ARHGEF3: variants seen among roughly 807,000 people sequenced by gnomAD.
ARHGEF3 encodes the protein Rho guanine nucleotide exchange factor 3.
Under a neutral mutation model 63.2 loss-of-function variants are expected in ARHGEF3, and 28 were observed. That is an observed-to-expected ratio of 0.44 (90% CI 0.33 to 0.61). The LOEUF is 0.61. Ranked by LOEUF, ARHGEF3 falls within the 20% of genes least tolerant of loss-of-function variation. ARHGEF3 has a pLI of 0.03. For missense variants in ARHGEF3, 533 were observed against 659.3 expected, an observed-to-expected ratio of 0.81 and a Z score of 2.10; for synonymous variants, 266 against 254.2, an observed-to-expected ratio of 1.05 and a Z score of -0.44.
At chr3:56,968,530 T>C (rs886628437) in intron 2 of ARHGEF3, among the ~76,000 whole-genome samples, 6 of 146,226 alleles carry the variant, frequency 4.1e-5, no homozygotes, top group African/African-American at 1.5e-4. Context: ...GGTCTCCCTA[T>C]GTTGCCCAGG....
chr3:56,973,021 GT>G (rs796976886), intron 2 of ARHGEF3, among the ~76,000 whole-genome samples: 6,129 of 140,690 alleles, frequency 0.044, 459 homozygotes, highest in African/African-American at 0.15. Flanking sequence ...CAGTTTTTTT[GT>G]TTTTTTTTTT....
At chr3:56,787,721 A>G (rs1302382742) in intron 1 of ARHGEF3, among the ~76,000 whole-genome samples, 1 of 151,560 alleles carries the variant, frequency 6.6e-6, no homozygotes, top group East Asian at 1.9e-4. Flanking sequence ...TTCCTCTGAT[A>G]ATAATAATAA....
chr3:56,745,311 A>G lies in ARHGEF3; in HGVS notation c.764T>C (p.Phe255Ser). Residue 255 changes from phenylalanine (F) to serine (S), a missense_variant, in exon 7 of 10, where the codon TTC becomes TCC. Phe to Ser is a radical substitution (Grantham distance 155, BLOSUM62 -2). Transcript: ENST00000296315. Reference sequence around the variant, plus strand: ...CAGGCGGCTTCTTGGAATATCGAGGAAATTCCAGAGATCTAGTTTGCGGCT... The same window carrying G: ...CAGGCGGCTTCTTGGAATATCGAGGGAATTCCAGAGATCTAGTTTGCGGCT... The part of the protein sequence containing the change: ...PFSRKLDLWN[F>S]LDIPRSRLVK... 6.2e-7 allele frequency: 1 copy of G among 1,614,128 alleles called. No homozygotes were observed. The highest frequency in any genetic ancestry group is 8.5e-7 in the Non-Finnish European group (1 of 1,180,022).
At chr3:56,796,997 T>C (rs2037402387) in intron 1 of ARHGEF3, among the ~76,000 whole-genome samples, 1 of 152,212 alleles carries the variant, frequency 6.6e-6, no homozygotes, top group Non-Finnish European at 1.5e-5. Context: ...ATCTTTTTTT[T>C]TGAAATGTAA....
chr3:56,923,486 C>G (rs1263874827), intron 3 of ARHGEF3, among the ~76,000 whole-genome samples: 1 of 151,962 alleles, frequency 6.6e-6, no homozygotes, highest in African/African-American at 2.4e-5. Context: ...TGACTGTCAA[C>G]TGGGCATCTA....
intron 2 of ARHGEF3, among the ~76,000 whole-genome samples, chr3:57,031,850 G>A (rs1703748419): frequency 6.6e-6 from 1 of 152,186 alleles, no homozygotes; most frequent in Admixed American, 6.5e-5. Context: ...CCCTGGAGAT[G>A]TGGGAGCATG....
chr3:56,870,910 C>A (rs1273794062), intron 4 of ARHGEF3, among the ~76,000 whole-genome samples: 1 of 151,904 alleles, frequency 6.6e-6, no homozygotes, highest in Non-Finnish European at 1.5e-5. Flanking sequence ...TCACAGCAAT[C>A]AATAAATAAA....
intron 3 of ARHGEF3, among the ~76,000 whole-genome samples, chr3:56,893,925 T>C (rs1253915732): frequency 1.4e-5 from 2 of 147,672 alleles, no homozygotes; most frequent in Non-Finnish European, 3.0e-5. Flanking sequence ...TTATTACATA[T>C]AAGGAAACTG....
chr3:57,008,617 T>C (rs1163065898), intron 2 of ARHGEF3, among the ~76,000 whole-genome samples: 1 of 152,026 alleles, frequency 6.6e-6, no homozygotes, highest in Non-Finnish European at 1.5e-5. Flanking sequence ...GCTGGGATTA[T>C]AGGCAATTAC....
chr3:56,868,394 T>C (rs1255784170), intron 4 of ARHGEF3, among the ~76,000 whole-genome samples: 1 of 151,496 alleles, frequency 6.6e-6, no homozygotes, highest in Non-Finnish European at 1.5e-5. Flanking sequence ...AGTCTCGCTC[T>C]GTCACCCAGG....
Position 56,968,964 on chromosome 3 carries a change from GTGACAACCAAAATACATAAAT to G in ARHGEF3, c.63-10096_63-10076del, listed in dbSNP as rs1418013312. ...CCACTGCTCCATGTCTTAGCAGTTG[GTGACAACCAAAATACATAAAT>G]TGAGAACCCCTGCTAAAAACGACGC... On this transcript the variant is annotated intron_variant, in intron 2 of 12. Transcript: ENST00000338458. Among the ~76,000 whole-genome samples the G allele has an allele frequency of 7.9e-5, 12 of 152,268 alleles. No homozygotes were observed. In the East Asian group the frequency reaches 2.1e-3, roughly 27 times the overall value.
At chr3:56,836,688 G>A (rs2039122121) in intron 4 of ARHGEF3, among the ~76,000 whole-genome samples, 1 of 152,176 alleles carries the variant, frequency 6.6e-6, no homozygotes, top group Non-Finnish European at 1.5e-5. Context: ...CACTTTGGGA[G>A]GCTGAGGTAG....
intron 3 of ARHGEF3, among the ~76,000 whole-genome samples, chr3:56,930,862 A>G (rs1325044692): frequency 4.6e-5 from 7 of 152,242 alleles, no homozygotes; most frequent in Non-Finnish European, 1.0e-4. Flanking sequence ...TAATGAAACC[A>G]GATGGGTAAG....
At chr3:56,970,155 T>C (rs1700845446) in intron 2 of ARHGEF3, among the ~76,000 whole-genome samples, 1 of 152,180 alleles carries the variant, frequency 6.6e-6, no homozygotes, top group Non-Finnish European at 1.5e-5. Context: ...CTTAATGCCA[T>C]TGAATTATTA....
At chr3:56,970,503 T>C (rs1249165561) in intron 2 of ARHGEF3, among the ~76,000 whole-genome samples, 2 of 152,142 alleles carry the variant, frequency 1.3e-5, no homozygotes, top group Admixed American at 1.3e-4. Context: ...GAGGCATATA[T>C]TTACTTGAGT....
At chr3:56,731,628 T>C in intron 9 of ARHGEF3, 1 of 152,372 alleles carries the variant, frequency 6.6e-6, no homozygotes, top group Admixed American at 6.4e-5. Context: ...CCTGGAGTAT[T>C]CATTTGTTTA....
intron 4 of ARHGEF3, among the ~76,000 whole-genome samples, chr3:56,849,864 G>A (rs569502823): frequency 1.0e-3 from 157 of 152,104 alleles, no homozygotes; most frequent in Admixed American, 2.9e-3. Context: ...TTGTTTTCCC[G>A]CTCCGAGGGC....
At chr3:56,977,874 A>G (rs1037669768) in intron 2 of ARHGEF3, among the ~76,000 whole-genome samples, 1 of 152,206 alleles carries the variant, frequency 6.6e-6, no homozygotes, top group African/African-American at 2.4e-5. Flanking sequence ...CAAAGTACAT[A>G]GAGAGTAGAA....
rs555650550 is a variant in ARHGEF3, at chr3:57,034,630, A to C, written c.62+458T>G. Among the ~76,000 whole-genome samples the C allele has an allele frequency of 2.0e-5, 3 of 149,470 alleles. No individual in the cohort carries two copies. The South Asian group carries it at 6.4e-4, about 32-fold the overall frequency. On this transcript the variant is annotated intron_variant, in intron 2 of 12. Coordinates refer to the ARHGEF3 transcript ENST00000338458. ...AGAAATTAGAGATGTGGAAGAAAAT[A>C]TGTGAAATTTTGCTAACTCCAAATT...
Sources: gnomAD v4.1 joint callset for allele counts (sites outside exome capture counted in the v4.1 genomes callset) on GRCh38, gnomAD v4.1.1 for gene constraint, MANE v1.5 for transcripts, NCBI Gene and HGNC (gene_info 2026-07-23, HGNC 2026-07-21) for gene names.